Variants in FYN observed in about 807,000 individuals in gnomAD.
FYN encodes FYN proto-oncogene, Src family tyrosine kinase.
In FYN, 10 loss-of-function variants were observed where a neutral mutation model predicts 70.2. The ratio of observed to expected loss-of-function variants is 0.14; its 90% confidence interval spans 0.09 to 0.24. The LOEUF (loss-of-function observed/expected upper bound fraction) is 0.24, where lower values mean the gene tolerates loss of function less well. FYN is among the 10% of genes least tolerant of loss of function. FYN has a pLI of 1.00. For missense variants in FYN, 319 were observed against 673.1 expected, an observed-to-expected ratio of 0.47 and a Z score of 5.82; for synonymous variants, 236 against 248.6, an observed-to-expected ratio of 0.95 and a Z score of 0.48.
intron 4 of FYN, among the ~76,000 whole-genome samples, chr6:111,715,072 C>T (rs188246141): frequency 1.0e-3 from 159 of 152,224 alleles, no homozygotes; most frequent in Non-Finnish European, 1.9e-3. Context: ...CTACCTTGAA[C>T]TCACCTCTCC....
At chr6:111,790,289 CACACACACAT>C (rs1159962819) in intron 2 of FYN, among the ~76,000 whole-genome samples, 3 of 147,156 alleles carry the variant, frequency 2.0e-5, no homozygotes, top group African/African-American at 7.7e-5. Context: ...CACACACACA[CACACACACAT>C]TCTGAAGGGC....
intron 5 of FYN, among the ~76,000 whole-genome samples, chr6:111,710,964 C>A (rs76917863): frequency 0.011 from 1,689 of 152,238 alleles, 24 homozygotes; most frequent in African/African-American, 0.037. Flanking sequence ...TAAAGCCTGG[C>A]GCTGGTTTAG....
intron 4 of FYN, among the ~76,000 whole-genome samples, chr6:111,715,787 G>A (rs964842107): frequency 2.0e-5 from 3 of 152,118 alleles, no homozygotes; most frequent in Non-Finnish European, 2.9e-5. Context: ...CTGAAGGACC[G>A]AACTGACCAT....
intron 3 of FYN, among the ~76,000 whole-genome samples, chr6:111,778,656 C>T (rs1016023852): frequency 2.6e-5 from 4 of 151,676 alleles, no homozygotes; most frequent in Non-Finnish European, 2.9e-5. Context: ...GCAACCTCTG[C>T]CTCCTGGGTT....
chr6:111,705,384 CTTTT>C (rs879920621), intron 6 of FYN, among the ~76,000 whole-genome samples: 1 of 138,162 alleles, frequency 7.2e-6, no homozygotes, highest in Non-Finnish European at 1.6e-5. Context: ...TCTTCTTCTT[CTTTT>C]TTTTTTTTTT....
At chr6:111,841,544 C>T (rs1773356819) in intron 2 of FYN, among the ~76,000 whole-genome samples, 1 of 152,136 alleles carries the variant, frequency 6.6e-6, no homozygotes, top group Non-Finnish European at 1.5e-5. Flanking sequence ...CTTTATTTTC[C>T]TCACATACAA....
At chr6:111,829,975 G>A (rs1772964199) in intron 2 of FYN, among the ~76,000 whole-genome samples, 1 of 152,186 alleles carries the variant, frequency 6.6e-6, no homozygotes, top group Admixed American at 6.5e-5. Flanking sequence ...GGGGATGTCA[G>A]GGACTCATTT....
chr6:111,768,505 G>C (rs1803318800), intron 3 of FYN, among the ~76,000 whole-genome samples: 1 of 152,214 alleles, frequency 6.6e-6, no homozygotes. Flanking sequence ...GTATTGATAA[G>C]TGGATACAAT....
intron 4 of FYN, among the ~76,000 whole-genome samples, chr6:111,718,268 T>C (rs1800763984): frequency 6.6e-6 from 1 of 152,230 alleles, no homozygotes; most frequent in Admixed American, 6.5e-5. Context: ...TTCTTGGCCT[T>C]ACAGGACTGA....
chr6:111,785,763 G>A (rs758167220), intron 2 of FYN, among the ~76,000 whole-genome samples: 31 of 151,120 alleles, frequency 2.1e-4, no homozygotes, highest in Non-Finnish European at 3.5e-4. Flanking sequence ...TTGGTGTGCC[G>A]CACCCATTAA....
rs1301768351 is a variant in FYN, at chr6:111,673,619, A to ACTGTT, written c.1405+879_1405+880insAACAG. On this transcript the variant is annotated intron_variant, in intron 13 of 13. Coordinates refer to ENST00000354650, the MANE Select transcript of FYN (RefSeq NM_002037.5). ...ATTAATCGTCACTATCGTTTCTATC[A>ACTGTT]TTGTTTTTTTTTTTTTTTTTTTCTT... is the stretch of plus-strand genomic sequence containing the variant. Among the ~76,000 whole-genome samples, 119 of 65,006 alleles carry ACTGTT rather than the reference A, an allele frequency of 1.8e-3. 1 individual carries two copies. The highest frequency in any genetic ancestry group is 3.8e-3 in the African/African-American group (73 of 19,422). 42.6% of individuals were successfully genotyped at this position (65,006 alleles called of 152,430 possible). A position where few individuals can be genotyped will look rare whatever the true frequency, so the allele number is the denominator to read the frequency against.
At chr6:111,745,361 T>C (rs989777659) in intron 3 of FYN, among the ~76,000 whole-genome samples, 3 of 152,168 alleles carry the variant, frequency 2.0e-5, no homozygotes, top group Non-Finnish European at 4.4e-5. Flanking sequence ...ATGTGACTCA[T>C]CCCTCCTGCA....
intron 13 of FYN, among the ~76,000 whole-genome samples, chr6:111,665,319 T>C (rs1343292531): frequency 6.6e-6 from 1 of 152,206 alleles, no homozygotes; most frequent in African/African-American, 2.4e-5. Context: ...CTCAGCTATA[T>C]GAATTTTGAA....
intron 12 of FYN, among the ~76,000 whole-genome samples, chr6:111,678,523 C>T (rs1388379624): frequency 6.6e-6 from 1 of 152,198 alleles, no homozygotes; most frequent in East Asian, 1.9e-4. Context: ...TTATTCAATC[C>T]CATGGCTCCA....
chr6:111,855,682 A>G (rs1773805679), intron 1 of FYN, among the ~76,000 whole-genome samples: 1 of 152,194 alleles, frequency 6.6e-6, no homozygotes, highest in South Asian at 2.1e-4. Flanking sequence ...GGCGTGCCAT[A>G]ACGGTATCAT....
At chr6:111,824,295 T>TATA (rs2114380854) in intron 2 of FYN, among the ~76,000 whole-genome samples, 1 of 152,324 alleles carries the variant, frequency 6.6e-6, no homozygotes, top group African/African-American at 2.4e-5. Context: ...CATAGTCTAT[T>TATA]AAGGGGCAAC....
At chr6:111,813,692 T>C (rs1772396854) in intron 2 of FYN, among the ~76,000 whole-genome samples, 1 of 152,152 alleles carries the variant, frequency 6.6e-6, no homozygotes, top group Non-Finnish European at 1.5e-5. Flanking sequence ...AAAATGGAGA[T>C]AATAATGACC....
intron 1 of FYN, 65 bp from the exon 2 acceptor site, chr6:111,846,694 C>T: frequency 2.5e-6 from 1 of 398,446 alleles, no homozygotes. Context: ...GCCTACAAAC[C>T]ACCCACAAAG....
chr6:111,741,100 C>CA (rs201418574), intron 3 of FYN: 9,114 of 102,774 alleles, frequency 0.089, 706 homozygotes, highest in African/African-American at 0.24. Flanking sequence ...GACCCTGTCT[C>CA]AAAAAAAAAA....
Sources: allele counts gnomAD v4.1 joint callset (sites outside exome capture counted in the v4.1 genomes callset), GRCh38; gene constraint gnomAD v4.1.1; transcripts MANE v1.5; gene names NCBI Gene and HGNC (gene_info 2026-07-23, HGNC 2026-07-21).